Variants in ATG13 observed in about 807,000 individuals in gnomAD.
The protein encoded by ATG13 is autophagy-related protein 13.
A neutral mutation model predicts 65.5 loss-of-function variants in ATG13; 23 were observed. The observed-to-expected ratio is 0.35, with a 90% CI of 0.25 to 0.50. ATG13 has a LOEUF of 0.50. ATG13 is among the 20% of genes least tolerant of loss of function. The pLI, the probability that ATG13 is intolerant of heterozygous loss-of-function variation, is 0.98. For missense variants in ATG13, 566 were observed against 677.0 expected, an observed-to-expected ratio of 0.84 and a Z score of 1.82; for synonymous variants, 252 against 245.2, an observed-to-expected ratio of 1.03 and a Z score of -0.26.
At chr11:46,637,164 G>A (rs904131527) in intron 2 of ATG13, among the ~76,000 whole-genome samples, 15 of 152,146 alleles carry the variant, frequency 9.9e-5, no homozygotes, top group African/African-American at 3.4e-4. Flanking sequence ...TTTGGTGATG[G>A]TTTTACCATA....
intron 5 of ATG13, chr11:46,648,901 G>T: frequency 3.1e-6 from 1 of 323,312 alleles, no homozygotes; most frequent in Admixed American, 4.8e-5. Flanking sequence ...AAATGATTTA[G>T]AATTTTTAAT....
intron 2 of ATG13, among the ~76,000 whole-genome samples, chr11:46,634,094 A>AT (rs1051735707): frequency 2.2e-4 from 33 of 147,822 alleles, no homozygotes; most frequent in East Asian, 8.0e-4. Context: ...TTTGCCTGGG[A>AT]TTTTTTTTTT....
At chr11:46,666,073 C>T (rs1034932330) in intron 14 of ATG13, among the ~76,000 whole-genome samples, 5 of 152,044 alleles carry the variant, frequency 3.3e-5, no homozygotes, top group East Asian at 1.9e-4. Flanking sequence ...TCCCAAAGTG[C>T]GGGGATTACA....
intron 11 of ATG13, 45 bp from the exon 12 acceptor site, chr11:46,663,952 T>TTTTTTTTTTTTTTTTTTTTC: frequency 8.7e-7 from 1 of 1,144,668 alleles, no homozygotes; most frequent in Non-Finnish European, 1.2e-6. Flanking sequence ...TTTCTTTTTT[T>TTTTTTTTTTTTTTTTTTTTC]TTTTTTTTTT....
rs530063207 is a variant in ATG13 at position 46,638,992 on chromosome 11, A to T, written c.-13-5287A>T. 4.5e-3 allele frequency among the ~76,000 whole-genome samples: 662 copies of T among 147,156 alleles called. 5 individuals are homozygous for T. The highest frequency in any genetic ancestry group is 0.014 in the African/African-American group (521 of 38,348). On this transcript the variant is annotated intron_variant, in intron 2 of 18. Coordinates refer to ENST00000683050, the MANE Select transcript of ATG13 (RefSeq NM_001346311.2). The stretch of plus-strand genomic sequence containing the variant: ...TCGGCTGATTTTTATTTATTTATTT[A>T]TTTATTTTTTTTTGAGAAGGAGTCT...
intron 2 of ATG13, among the ~76,000 whole-genome samples, chr11:46,638,257 C>T (rs2054665367): frequency 6.6e-6 from 1 of 151,978 alleles, no homozygotes; most frequent in African/African-American, 2.4e-5. Flanking sequence ...GCCAACATGG[C>T]ATAACCCTGT....
chr11:46,671,219 T>G (rs1031272840), intron 18 of ATG13, among the ~76,000 whole-genome samples: 5 of 152,198 alleles, frequency 3.3e-5, no homozygotes, highest in Admixed American at 3.3e-4. Flanking sequence ...CAAGAGACTC[T>G]CCACGCTCCC....
chr11:46,646,498 T>C (rs1455851059), intron 5 of ATG13, among the ~76,000 whole-genome samples: 1 of 147,234 alleles, frequency 6.8e-6, no homozygotes, highest in African/African-American at 2.5e-5. Context: ...AGTTTCACTC[T>C]TGTTGCCCAG....
intron 11 of ATG13, among the ~76,000 whole-genome samples, chr11:46,660,374 CTGT>C (rs759606789): frequency 1.5e-5 from 2 of 133,060 alleles, no homozygotes; most frequent in Non-Finnish European, 3.3e-5. Context: ...TTTTTATTTA[CTGT>C]TGTTGTTGGT....
chr11:46,664,886 TG>T lies in ATG13; in HGVS notation c.929del (p.Gly310AlafsTer11), dbSNP rs759745372. Reference sequence around the variant, plus strand: ...CGCCTTTCCTATCAGCCTGCTGCCCTGGGCGTTGGATCAGCTGACCTGGCTT... The same window carrying T: ...CGCCTTTCCTATCAGCCTGCTGCCCTGGCGTTGGATCAGCTGACCTGGCTT... ...SSRLSYQPAALGVGSADLAYP... is the reference protein window; with the variant it reads ...SSRLSYQPAAXGVGSADLAYP... On this transcript the variant is annotated frameshift_variant, in exon 13 of 19. Transcript: ENST00000683050. LOFTEE classifies it high-confidence loss of function. 1 of 1,613,908 alleles carries T rather than the reference TG, an allele frequency of 6.2e-7. No homozygotes were observed.
At chr11:46,620,854 G>A (rs754591805) in intron 1 of ATG13, among the ~76,000 whole-genome samples, 2 of 151,992 alleles carry the variant, frequency 1.3e-5, no homozygotes, top group African/African-American at 2.4e-5. Flanking sequence ...GGTAAATCAA[G>A]AATTCATAGA....
intron 18 of ATG13, among the ~76,000 whole-genome samples, chr11:46,671,700 C>A (rs576411502): frequency 1.3e-5 from 2 of 152,300 alleles, no homozygotes; most frequent in South Asian, 4.1e-4. Flanking sequence ...TGAGATCACA[C>A]CACAGCACTC....
intron 7 of ATG13, among the ~76,000 whole-genome samples, chr11:46,652,064 T>G (rs998403992): frequency 6.6e-6 from 1 of 151,834 alleles, no homozygotes; most frequent in African/African-American, 2.4e-5. Context: ...CCTGACAACA[T>G]AGCGAAACAC....
intron 1 of ATG13, among the ~76,000 whole-genome samples, chr11:46,628,240 T>TA: frequency 6.6e-6 from 1 of 151,058 alleles, no homozygotes; most frequent in Non-Finnish European, 1.5e-5. Context: ...CCATCTCCAT[T>TA]AAAAATACAA....
intron 1 of ATG13, among the ~76,000 whole-genome samples, chr11:46,620,547 A>G (rs955706744): frequency 2.0e-5 from 3 of 151,838 alleles, no homozygotes; most frequent in African/African-American, 7.3e-5. Context: ...AGGCTGAGGC[A>G]GGCGGATCAC....
At chr11:46,624,709 T>G (rs1323588123) in intron 1 of ATG13, among the ~76,000 whole-genome samples, 1 of 152,078 alleles carries the variant, frequency 6.6e-6, no homozygotes, top group Non-Finnish European at 1.5e-5. Flanking sequence ...AAGGTGAAAG[T>G]TCCCCCTCAC....
intron 2 of ATG13, among the ~76,000 whole-genome samples, chr11:46,632,695 C>A (rs1044502396): frequency 2.8e-4 from 43 of 152,070 alleles, no homozygotes; most frequent in African/African-American, 9.9e-4. Context: ...AGACTTTTGG[C>A]AGTAGAACCA....
rs917840520 is a variant in ATG13 at position 46,673,133 on chromosome 11, A to G, written c.*801A>G. The G allele has an allele frequency of 1.3e-5, 2 of 158,666 alleles. No individual in the cohort carries two copies. The highest frequency in any genetic ancestry group is 2.8e-5 in the Non-Finnish European group (2 of 71,424). The allele number at this position is 158,666 out of a possible 1,614,324, so 9.8% of individuals were successfully genotyped here. On this transcript the variant is annotated 3_prime_UTR_variant, in exon 19 of 19. Transcript: ENST00000683050. ...TTATAGAACATGGTAAATATTTATT[A>G]CTTTCAGAGAAACCAGATATTTTAT...
At chr11:46,633,028 T>TATATATA (rs1565448175) in intron 2 of ATG13, among the ~76,000 whole-genome samples, 5 of 60,798 alleles carry the variant, frequency 8.2e-5, no homozygotes, top group East Asian at 4.8e-4. Flanking sequence ...ATATATATAT[T>TATATATA]TTTTTTTTTT....
Sources: gnomAD v4.1 joint callset for allele counts (sites outside exome capture counted in the v4.1 genomes callset) on GRCh38, gnomAD v4.1.1 for gene constraint, MANE v1.5 for transcripts, NCBI Gene and HGNC (gene_info 2026-07-23, HGNC 2026-07-21) for gene names.